CTNNA2: variants seen among roughly 807,000 people sequenced by gnomAD.
The protein encoded by CTNNA2 is catenin alpha-2.
CTNNA2 carries 42 observed loss-of-function variants against 101.0 expected under a neutral mutation model. The ratio of observed to expected loss-of-function variants is 0.42; its 90% CI spans 0.32 to 0.54. CTNNA2 has a LOEUF of 0.54. Among genes scored for constraint, CTNNA2 ranks in the 20% least tolerant of loss-of-function variants. The pLI is 0.14. For synonymous variants in CTNNA2, 450 were observed against 456.4 expected (o/e 0.99, Z 0.18); for missense variants, 871 against 1,223.1 (o/e 0.71, Z 4.29).
intron 18 of CTNNA2, among the ~76,000 whole-genome samples, chr2:80,620,915 G>T (rs1178958337): frequency 6.6e-6 from 1 of 151,940 alleles, no homozygotes; most frequent in Non-Finnish European, 1.5e-5. Context: ...ATCATGGAAT[G>T]CATTGTGCAT....
chr2:80,008,305 G>T (rs1693521725), intron 7 of CTNNA2, among the ~76,000 whole-genome samples: 1 of 152,194 alleles, frequency 6.6e-6, no homozygotes, highest in Non-Finnish European at 1.5e-5. Context: ...ACCCCACTGT[G>T]CTCTTAAGGA....
intron 7 of CTNNA2, among the ~76,000 whole-genome samples, chr2:80,122,326 TTCTCTG>T (rs992674801): frequency 2.0e-5 from 3 of 150,726 alleles, no homozygotes; most frequent in Admixed American, 2.0e-4. Flanking sequence ...TTCCCCCTCT[TTCTCTG>T]TCTCTGTCTC....
intron 7 of CTNNA2, among the ~76,000 whole-genome samples, chr2:79,939,072 A>G (rs1433744028): frequency 1.3e-5 from 2 of 151,542 alleles, no homozygotes; most frequent in Non-Finnish European, 2.9e-5. Context: ...CCTGACTTGA[A>G]CTCTCCGTTA....
At chr2:79,935,818 C>T (rs1186662640) in intron 7 of CTNNA2, among the ~76,000 whole-genome samples, 1 of 152,152 alleles carries the variant, frequency 6.6e-6, no homozygotes, top group East Asian at 1.9e-4. Context: ...GTTATTTTTC[C>T]TTGCAGAGAT....
intron 3 of CTNNA2, among the ~76,000 whole-genome samples, chr2:79,320,968 T>G (rs1346177622): frequency 6.6e-6 from 1 of 152,160 alleles, no homozygotes. Flanking sequence ...GAATGTAACT[T>G]TTCTTCACTG....
intron 4 of CTNNA2, among the ~76,000 whole-genome samples, chr2:79,418,906 G>A (rs973627802): frequency 6.6e-6 from 1 of 152,082 alleles, no homozygotes; most frequent in African/African-American, 2.4e-5. Context: ...AATATACACA[G>A]GTTATCAATG....
intron 2 of CTNNA2, among the ~76,000 whole-genome samples, chr2:79,214,445 A>C (rs983632777): frequency 6.6e-6 from 1 of 152,202 alleles, no homozygotes; most frequent in African/African-American, 2.4e-5. Flanking sequence ...GTCTGGTTCT[A>C]GGACAGGTAA....
chr2:79,597,104 G>A (rs1677239323), intron 1 of CTNNA2, among the ~76,000 whole-genome samples: 1 of 152,142 alleles, frequency 6.6e-6, no homozygotes, highest in Non-Finnish European at 1.5e-5. Context: ...AAAATAAACT[G>A]TACGTATATG....
intron 4 of CTNNA2, among the ~76,000 whole-genome samples, chr2:79,483,023 G>A (rs532379131): frequency 6.6e-6 from 1 of 152,264 alleles, no homozygotes; most frequent in South Asian, 2.1e-4. Flanking sequence ...GTGCATGCTG[G>A]TTCAACAAAT....
At chr2:79,839,992 G>A (rs1679681223) in intron 3 of CTNNA2, among the ~76,000 whole-genome samples, 1 of 152,100 alleles carries the variant, frequency 6.6e-6, no homozygotes, top group South Asian at 2.1e-4. Context: ...TTTGGCTAAG[G>A]CCACTAAAAC....
chr2:80,271,367 C>A (rs1424434527), intron 7 of CTNNA2, among the ~76,000 whole-genome samples: 1 of 151,724 alleles, frequency 6.6e-6, no homozygotes, highest in Non-Finnish European at 1.5e-5. Context: ...GAAGGATCTT[C>A]CAGTCTTCCA....
chr2:79,610,128 C>T (rs1033797275), intron 1 of CTNNA2, among the ~76,000 whole-genome samples: 2 of 151,956 alleles, frequency 1.3e-5, no homozygotes, highest in African/African-American at 4.8e-5. Flanking sequence ...TAGCATCTAT[C>T]AAAGAAGATA....
chr2:80,195,011 G>A (rs898300227), intron 7 of CTNNA2, among the ~76,000 whole-genome samples: 2 of 151,912 alleles, frequency 1.3e-5, no homozygotes, highest in Admixed American at 1.3e-4. Flanking sequence ...AGTTTGCTTC[G>A]TGTATTTTAA....
At chr2:80,364,634 T>A (rs1431749008) in intron 7 of CTNNA2, among the ~76,000 whole-genome samples, 2 of 151,562 alleles carry the variant, frequency 1.3e-5, no homozygotes, top group Non-Finnish European at 2.9e-5. Context: ...AAGTACTTTG[T>A]ATCTTCCCTC....
chr2:79,351,618 T>A (rs1677389404), intron 3 of CTNNA2, among the ~76,000 whole-genome samples: 1 of 152,108 alleles, frequency 6.6e-6, no homozygotes, highest in Non-Finnish European at 1.5e-5. Context: ...TTCCCCAGCA[T>A]CTATTGTTCC....
intron 3 of CTNNA2, among the ~76,000 whole-genome samples, chr2:79,320,758 CT>C (rs1481637717): frequency 3.9e-5 from 6 of 152,122 alleles, no homozygotes; most frequent in Middle Eastern, 3.4e-3. Flanking sequence ...CTATGGTAGC[CT>C]TTTTCAGATG....
intron 4 of CTNNA2, among the ~76,000 whole-genome samples, chr2:79,461,688 A>C (rs1670881113): frequency 6.6e-6 from 1 of 152,162 alleles, no homozygotes; most frequent in Non-Finnish European, 1.5e-5. Flanking sequence ...TACCAGAAAA[A>C]GTTTGGCTGT....
chr2:80,395,491 G>C (rs930424049), intron 8 of CTNNA2, among the ~76,000 whole-genome samples: 3 of 152,030 alleles, frequency 2.0e-5, no homozygotes, highest in Admixed American at 2.0e-4. Context: ...TCATCTCTTT[G>C]CCTCCCCATG....
intron 7 of CTNNA2, among the ~76,000 whole-genome samples, chr2:79,974,438 G>T (rs1352865078): frequency 1.3e-5 from 2 of 152,108 alleles, no homozygotes; most frequent in Non-Finnish European, 2.9e-5. Flanking sequence ...TTGACCATAA[G>T]GCTGGACATT....
Sources: allele counts gnomAD v4.1 joint callset (sites outside exome capture counted in the v4.1 genomes callset), GRCh38; gene constraint gnomAD v4.1.1; transcripts MANE v1.5; gene names NCBI Gene and HGNC (gene_info 2026-07-23, HGNC 2026-07-21).